The following GALNT3 variants were observed in gnomAD, a reference collection of about 807,000 sequenced individuals.
GALNT3 encodes the protein GalNAc transferase 3.
Under a neutral mutation model 69.8 loss-of-function variants are expected in GALNT3, and 51 were observed. The ratio of observed to expected loss-of-function variants is 0.73; its 90% confidence interval spans 0.58 to 0.92. GALNT3 has a LOEUF of 0.92. Among genes scored for constraint, GALNT3 ranks in the 40% least tolerant of loss-of-function variants. The probability of loss-of-function intolerance (pLI) is 0.00; values close to 1 mark genes in which losing one functional copy is unlikely to be tolerated. For missense variants in GALNT3, 711 were observed against 760.0 expected, an observed-to-expected ratio of 0.94 and a Z score of 0.76; for synonymous variants, 265 against 248.5, an observed-to-expected ratio of 1.07 and a Z score of -0.63.
intron 1 of GALNT3, among the ~76,000 whole-genome samples, chr2:165,789,151 C>G (rs773406989): frequency 1.3e-5 from 2 of 152,166 alleles, no homozygotes; most frequent in African/African-American, 2.4e-5. Context: ...ATACCTTAGA[C>G]TGGGTAATTT....
intron 1 of GALNT3, among the ~76,000 whole-genome samples, chr2:165,783,759 T>C (rs1244115225): frequency 6.6e-6 from 1 of 152,194 alleles, no homozygotes; most frequent in East Asian, 1.9e-4. Context: ...ACCCCTGCTC[T>C]AGAAATTCTA....
Position 165,759,406 on chromosome 2 carries a change from G to A in GALNT3, c.1003C>T (p.Leu335Phe). 6.2e-7 allele frequency: 1 copy of A among 1,614,046 alleles called. No homozygotes were observed. The highest frequency in any genetic ancestry group is 8.5e-7 in the Non-Finnish European group (1 of 1,179,982). The change falls in exon 5 of 11, where the codon CTT becomes TTT. Residue 335 changes from leucine to phenylalanine, a missense_variant. Transcript: ENST00000392701. ...NHNRGNFDWS[L>F]SFGWESLPDH... is the part of the protein sequence containing the mutation. ...GGAAGCGACTCCCAGCCAAATGAAAGACTCCAGTCAAAATTTCCACGGTTA... is the reference window on the plus strand; with the variant it reads ...GGAAGCGACTCCCAGCCAAATGAAAAACTCCAGTCAAAATTTCCACGGTTA...
chr2:165,765,738 T>C (rs1171358650), intron 2 of GALNT3, among the ~76,000 whole-genome samples: 2 of 152,164 alleles, frequency 1.3e-5, no homozygotes, highest in African/African-American at 2.4e-5. Context: ...TCCACCCGCC[T>C]AGGCCTCCCA....
intron 4 of GALNT3, among the ~76,000 whole-genome samples, chr2:165,761,317 T>C (rs552401640): frequency 9.2e-5 from 14 of 152,224 alleles, no homozygotes; most frequent in African/African-American, 3.1e-4. Flanking sequence ...GTTCAAGCGA[T>C]TCCCATTCCT....
Position 165,748,909 on chromosome 2 carries a change from A to G in GALNT3, c.1780-6T>C, listed in dbSNP as rs1304625137. On this transcript the variant is annotated splice_region_variant and splice_polypyrimidine_tract_variant and intron_variant, in intron 10 of 10. Transcript: ENST00000392701. Reference sequence around the variant, plus strand: ...GGATTGTATAGAAGTTGATCCTAGAATAAAAGGAAACAACAGACATTAAAT... The same window carrying G: ...GGATTGTATAGAAGTTGATCCTAGAGTAAAAGGAAACAACAGACATTAAAT... 1 of 1,607,578 alleles carries G rather than the reference A, an allele frequency of 6.2e-7. No homozygotes were observed. Among genetic ancestry groups the G allele is most frequent in the South Asian group, 1.1e-5 (1 of 90,644 alleles).
rs565127551 is a variant in GALNT3, at chr2:165,760,690, C to T, written c.839-1120G>A. On this transcript the variant is annotated intron_variant, in intron 4 of 10. Transcript: ENST00000392701. ...CTGAATGTGATGGCTCTAAGCAACA[C>T]AAGCACATCCAAAAGCCCTTCTGTA... Among the ~76,000 whole-genome samples, 157 of 152,288 alleles carry T rather than the reference C, an allele frequency of 1.0e-3. 1 individual carries two copies. Among genetic ancestry groups the T allele is most frequent in the South Asian group, 2.1e-3 (10 of 4,824 alleles).
At chr2:165,779,442 T>A (rs1313792199) in intron 1 of GALNT3, among the ~76,000 whole-genome samples, 1 of 152,136 alleles carries the variant, frequency 6.6e-6, no homozygotes, top group African/African-American at 2.4e-5. Flanking sequence ...AACAACACAA[T>A]TCTATATTTC....
At chr2:165,751,728 G>A (rs907337708) in intron 9 of GALNT3, among the ~76,000 whole-genome samples, 5 of 152,014 alleles carry the variant, frequency 3.3e-5, no homozygotes, top group African/African-American at 1.2e-4. Context: ...ATATTGGCCA[G>A]CTTAGTCACA....
At chr2:165,760,467 T>A (rs1193816214) in intron 4 of GALNT3, among the ~76,000 whole-genome samples, 1 of 152,122 alleles carries the variant, frequency 6.6e-6, no homozygotes, top group Non-Finnish European at 1.5e-5. Flanking sequence ...CAAAGCAGTA[T>A]TTGGCAGTCA....
intron 2 of GALNT3, among the ~76,000 whole-genome samples, chr2:165,765,462 A>C (rs1241289399): frequency 6.6e-6 from 1 of 151,988 alleles, no homozygotes; most frequent in African/African-American, 2.4e-5. Flanking sequence ...TTCATTTTTC[A>C]TATTTGCAAC....
At chr2:165,769,407 A>AAATAATAATAATAATAAT (rs35161167) in intron 2 of GALNT3, among the ~76,000 whole-genome samples, 11 of 131,394 alleles carry the variant, frequency 8.4e-5, no homozygotes, top group East Asian at 2.3e-4. Context: ...CTCCATCTCA[A>AAATAATAATAATAATAAT]AATAATAATA....
chr2:165,770,639 C>A lies in GALNT3; in HGVS notation c.62G>T (p.Trp21Leu). ...GAAAAAAATTACTGCACCAAGCTTC[C>A]AGAACTTTTTATGGTAATGTCTTTT... ...HIKRHYHKKF[W>L]KLGAVIFFFI... Residue 21 changes from tryptophan (W) to leucine (L), a missense_variant, in exon 2 of 11, where the codon TGG (tryptophan) becomes TTG (leucine). Coordinates refer to ENST00000392701, the MANE Select transcript of GALNT3 (RefSeq NM_004482.4). 1 of 1,601,468 alleles carries A rather than the reference C, an allele frequency of 6.2e-7. No homozygotes were observed. The highest frequency in any genetic ancestry group is 8.5e-7 in the Non-Finnish European group (1 of 1,176,572).
At chr2:165,772,383 G>A (rs1158539901) in intron 1 of GALNT3, among the ~76,000 whole-genome samples, 1 of 151,874 alleles carries the variant, frequency 6.6e-6, no homozygotes, top group Non-Finnish European at 1.5e-5. Flanking sequence ...CCAGGAGTTC[G>A]AGACCAGCCT....
At chr2:165,760,412 A>G (rs544577843) in intron 4 of GALNT3, among the ~76,000 whole-genome samples, 7 of 152,312 alleles carry the variant, frequency 4.6e-5, no homozygotes, top group South Asian at 2.1e-4. Flanking sequence ...TGTAACACAC[A>G]GCAAGTTCAG....
At chr2:165,762,186 CA>C in intron 3 of GALNT3, 132 bp from the exon 4 acceptor site, 1 of 731,924 alleles carries the variant, frequency 1.4e-6, no homozygotes, top group East Asian at 2.7e-5. Context: ...GTCCTTCCAG[CA>C]AAATGAAAAT....
chr2:165,781,572 T>G (rs556567239), intron 1 of GALNT3, among the ~76,000 whole-genome samples: 1 of 150,254 alleles, frequency 6.7e-6, no homozygotes, highest in Non-Finnish European at 1.5e-5. Flanking sequence ...CGTTCCATCC[T>G]GGGCAACAGA....
At chr2:165,783,953 T>C (rs1683166865) in intron 1 of GALNT3, among the ~76,000 whole-genome samples, 1 of 152,168 alleles carries the variant, frequency 6.6e-6, no homozygotes, top group South Asian at 2.1e-4. Context: ...AAGCGAACAA[T>C]ATCCCTCCAC....
chr2:165,752,875 A>G lies in GALNT3; in HGVS notation c.1626+1752T>C, dbSNP rs182963291. 7.4e-3 allele frequency among the ~76,000 whole-genome samples: 1,130 copies of G among 152,328 alleles called. 14 individuals carry two copies. Among genetic ancestry groups the G allele is most frequent in the African/African-American group, 0.026 (1,071 of 41,574 alleles). The stretch of plus-strand genomic sequence containing the variant: ...TCTTCTAATATATGGAGGGTAAGAA[A>G]ATTCTTAAAAAGATGCATATAGATT... On this transcript the variant is annotated intron_variant, in intron 9 of 10. Coordinates refer to ENST00000392701, the MANE Select transcript of GALNT3 (RefSeq NM_004482.4).
chr2:165,791,624 T>C (rs1352672411), intron 1 of GALNT3, among the ~76,000 whole-genome samples: 4 of 152,068 alleles, frequency 2.6e-5, no homozygotes, highest in Admixed American at 2.6e-4. Context: ...GTGCTTGAAA[T>C]AAAAAATCTG....
Sources: gnomAD v4.1 joint callset for allele counts (sites outside exome capture counted in the v4.1 genomes callset) on GRCh38, gnomAD v4.1.1 for gene constraint, MANE v1.5 for transcripts, NCBI Gene and HGNC (gene_info 2026-07-23, HGNC 2026-07-21) for gene names.